The following SEMA6D variants were observed in gnomAD, a reference collection of about 807,000 sequenced individuals.
SEMA6D encodes semaphorin-6D.
A neutral mutation model predicts 106.6 loss-of-function variants in SEMA6D; 35 were observed. The ratio of observed to expected loss-of-function variants is 0.33; its 90% CI spans 0.25 to 0.44. The LOEUF (loss-of-function observed/expected upper bound fraction) is 0.44. Ranked by LOEUF, SEMA6D falls within the 20% of genes least tolerant of loss-of-function variation. SEMA6D has a pLI of 1.00. For missense variants in SEMA6D, 1,185 were observed against 1,345.9 expected (o/e 0.88, Z 1.87); for synonymous variants, 499 against 487.7 (o/e 1.02, Z -0.31).
chr15:47,523,508 A>G (rs2141966404), intron 3 of SEMA6D, among the ~76,000 whole-genome samples: 1 of 152,206 alleles, frequency 6.6e-6, no homozygotes, highest in East Asian at 1.9e-4. Context: ...ACAGGAAGTG[A>G]AAGAGCTCAT....
intron 1 of SEMA6D, among the ~76,000 whole-genome samples, chr15:47,355,034 T>C (rs1314689299): frequency 6.6e-6 from 1 of 152,178 alleles, no homozygotes; most frequent in Non-Finnish European, 1.5e-5. Context: ...AAGATGGCAG[T>C]GCTTTAGTTT....
chr15:47,702,294 A>C (rs543389614), intron 4 of SEMA6D, among the ~76,000 whole-genome samples: 1 of 152,334 alleles, frequency 6.6e-6, no homozygotes, highest in African/African-American at 2.4e-5. Context: ...ATGTCATCAA[A>C]GAAATGCAAA....
chr15:47,614,311 G>A (rs537169169), intron 4 of SEMA6D, among the ~76,000 whole-genome samples: 2 of 152,274 alleles, frequency 1.3e-5, no homozygotes, highest in East Asian at 1.9e-4. Flanking sequence ...GCACACTTAG[G>A]AGTTTTGTCA....
chr15:47,554,338 T>G (rs2045854956), intron 3 of SEMA6D, among the ~76,000 whole-genome samples: 1 of 152,206 alleles, frequency 6.6e-6, no homozygotes, highest in Admixed American at 6.5e-5. Context: ...CTGCTTAGCC[T>G]GGAGAAGACA....
chr15:47,530,249 A>G (rs2044913271), intron 3 of SEMA6D, among the ~76,000 whole-genome samples: 1 of 152,236 alleles, frequency 6.6e-6, no homozygotes, highest in South Asian at 2.1e-4. Flanking sequence ...GAAATGGTGG[A>G]CTTCATGTTT....
intron 1 of SEMA6D, among the ~76,000 whole-genome samples, chr15:47,742,641 T>C (rs1168263830): frequency 6.6e-6 from 1 of 152,198 alleles, no homozygotes; most frequent in East Asian, 1.9e-4. Context: ...CTGAAGGGTG[T>C]CTGGGACTTT....
intron 3 of SEMA6D, among the ~76,000 whole-genome samples, chr15:47,489,683 GCT>G (rs1417499526): frequency 6.6e-6 from 1 of 150,964 alleles, no homozygotes; most frequent in Non-Finnish European, 1.5e-5. Context: ...ACGGAGTCTT[GCT>G]CTCTTGCCCA....
intron 1 of SEMA6D, among the ~76,000 whole-genome samples, chr15:47,247,249 CTG>C (rs1374608491): frequency 6.6e-6 from 1 of 152,036 alleles, no homozygotes; most frequent in African/African-American, 2.4e-5. Context: ...CGAGAAAGTT[CTG>C]TGGGAATCAT....
intron 4 of SEMA6D, among the ~76,000 whole-genome samples, chr15:47,674,984 G>A (rs1369396369): frequency 6.6e-6 from 1 of 152,176 alleles, no homozygotes; most frequent in Non-Finnish European, 1.5e-5. Context: ...AAAACGAATG[G>A]TGAGCCTCCG....
intron 1 of SEMA6D, among the ~76,000 whole-genome samples, chr15:47,380,801 T>C (rs1463695882): frequency 6.6e-6 from 1 of 152,200 alleles, no homozygotes; most frequent in Non-Finnish European, 1.5e-5. Context: ...GATCAGTTGA[T>C]ATAAAGATAT....
chr15:47,764,355 C>G (rs751447068), intron 11 of SEMA6D, 50 bp downstream of exon 11: 4 of 1,577,198 alleles, frequency 2.5e-6, no homozygotes, highest in Non-Finnish European at 3.4e-6. Flanking sequence ...ACCTTCCGGT[C>G]ATTGGAAGCA....
chr15:47,597,600 G>A (rs911929933), intron 3 of SEMA6D, among the ~76,000 whole-genome samples: 1 of 151,876 alleles, frequency 6.6e-6, no homozygotes, highest in Non-Finnish European at 1.5e-5. Context: ...TATGTTAAGT[G>A]AAATAGACCA....
At chr15:47,369,424 G>A (rs370554131) in intron 1 of SEMA6D, among the ~76,000 whole-genome samples, 2 of 152,112 alleles carry the variant, frequency 1.3e-5, no homozygotes, top group African/African-American at 2.4e-5. Context: ...GAAAATTGTC[G>A]TCCCACATCT....
At chr15:47,532,525 A>T (rs1459980372) in intron 3 of SEMA6D, among the ~76,000 whole-genome samples, 1 of 152,134 alleles carries the variant, frequency 6.6e-6, no homozygotes, top group African/African-American at 2.4e-5. Flanking sequence ...TTGAGTTGCT[A>T]TGGCACTGAT....
intron 2 of SEMA6D, among the ~76,000 whole-genome samples, chr15:47,427,981 T>C (rs985829615): frequency 1.4e-4 from 22 of 152,122 alleles, no homozygotes; most frequent in African/African-American, 5.3e-4. Context: ...AACAAGATAA[T>C]CTAATAAATT....
At chr15:47,221,750 C>T (rs183479925) in intron 1 of SEMA6D, among the ~76,000 whole-genome samples, 8 of 152,170 alleles carry the variant, frequency 5.3e-5, no homozygotes, top group Admixed American at 3.9e-4. Context: ...ACTGTTTAAT[C>T]GTTATCACTA....
intron 1 of SEMA6D, among the ~76,000 whole-genome samples, chr15:47,285,950 C>A (rs1424758161): frequency 6.6e-6 from 1 of 152,044 alleles, no homozygotes; most frequent in African/African-American, 2.4e-5. Context: ...TTTTTAAAAG[C>A]AAAGGTTCTC....
chr15:47,713,699 A>G (rs2079061122), upstream of SEMA6D, among the ~76,000 whole-genome samples: 1 of 152,244 alleles, frequency 6.6e-6, no homozygotes. Context: ...CCTAAATTTT[A>G]TTATTCATTA....
chr15:47,496,472 A>G (rs1437625509), intron 3 of SEMA6D, among the ~76,000 whole-genome samples: 1 of 152,010 alleles, frequency 6.6e-6, no homozygotes, highest in Non-Finnish European at 1.5e-5. Context: ...CCTCCTCCCT[A>G]CATTTAATAC....
Sources: allele counts gnomAD v4.1 joint callset (sites outside exome capture counted in the v4.1 genomes callset), GRCh38; gene constraint gnomAD v4.1.1; transcripts MANE v1.5; gene names NCBI Gene and HGNC (gene_info 2026-07-23, HGNC 2026-07-21).